The following WDR93 variants were observed in gnomAD, a reference collection of about 807,000 sequenced individuals.
The protein encoded by WDR93 is WD repeat-containing protein 93.
WDR93 carries 73 observed loss-of-function variants against 82.9 expected under a neutral mutation model. That is an observed-to-expected ratio of 0.88 (90% CI 0.73 to 1.07). The LOEUF is 1.07. Ranked by LOEUF, WDR93 falls within the 50% of genes least tolerant of loss-of-function variation. The probability of loss-of-function intolerance (pLI) is 0.00; values close to 1 mark genes in which losing one functional copy is unlikely to be tolerated. For missense variants in WDR93, 738 were observed against 826.0 expected (o/e 0.89, Z 1.31); for synonymous variants, 283 against 300.1 (o/e 0.94, Z 0.59).
chr15:89,710,114 C>T (rs1355486182), intron 4 of WDR93, among the ~76,000 whole-genome samples: 2 of 152,110 alleles, frequency 1.3e-5, no homozygotes, highest in African/African-American at 2.4e-5. Flanking sequence ...GAGCTGAGAT[C>T]GCACCACTGC....
Position 89,727,221 on chromosome 15 carries a change from CG to C in WDR93, c.948del (p.Gln317ArgfsTer25), listed in dbSNP as rs772119727. The C allele has an allele frequency of 1.3e-5, 21 of 1,614,124 alleles. 2 individuals carry two copies. The South Asian group carries it at 2.3e-4, about 18-fold the overall frequency. On this transcript the variant is annotated frameshift_variant, in exon 9 of 17. Coordinates refer to ENST00000268130, the MANE Select transcript of WDR93 (RefSeq NM_020212.2). LOFTEE classifies it high-confidence loss of function. ...KIKDCYGLGS[G>X]QNHFIKDSQW... ...TCAAGGACTGCTACGGACTGGGCTC[CG>C]GGCAGAATCATTTCATCAAGGACAG...
chr15:89,712,054 T>A lies in WDR93; in HGVS notation c.590T>A (p.Ile197Lys). 6.2e-7 allele frequency: 1 copy of A among 1,613,590 alleles called. No individual in the cohort carries two copies. The highest frequency in any genetic ancestry group is 8.5e-7 in the Non-Finnish European group (1 of 1,179,694). ...VDDTSKQTTC[I>K]KMEISQGGDF... is the part of the protein sequence containing the mutation. ...GATACCAGCAAGCAAACTACCTGTA[T>A]AAAGATGGAGATCTCTCAAGGAGGG... Residue 197 changes from isoleucine to lysine, a missense_variant, in exon 5 of 17, where the codon ATA (isoleucine) becomes AAA (lysine). Coordinates refer to ENST00000268130, the MANE Select transcript of WDR93 (RefSeq NM_020212.2).
intron 3 of WDR93, chr15:89,704,323 A>C (rs948724896): frequency 2.0e-5 from 3 of 152,164 alleles, no homozygotes; most frequent in Admixed American, 2.0e-4. Flanking sequence ...ATGAGACTCC[A>C]TCTCAAAAAA....
rs962145453 is a variant in WDR93 at position 89,710,091 on chromosome 15, C to T, written c.562-1935C>T. ...AGGAGAATTGCTTGAACCCAGGAGG[C>T]GGAGATTGCAGTGAGCTGAGATCGC... is the stretch of plus-strand genomic sequence containing the variant. On this transcript the variant is annotated intron_variant, in intron 4 of 16. Transcript: ENST00000268130. Among the ~76,000 whole-genome samples the T allele has an allele frequency of 1.4e-4, 22 of 152,242 alleles. 1 individual carries two copies. The South Asian group carries it at 3.1e-3, about 22-fold the overall frequency.
chr15:89,739,950 C>G (rs1045720858), intron 16 of WDR93, among the ~76,000 whole-genome samples: 1 of 152,186 alleles, frequency 6.6e-6, no homozygotes, highest in Non-Finnish European at 1.5e-5. Context: ...TGGAGCCAAA[C>G]AGACCTGAGT....
intron 11 of WDR93, among the ~76,000 whole-genome samples, chr15:89,730,947 C>T (rs1228758091): frequency 6.6e-6 from 1 of 151,720 alleles, no homozygotes; most frequent in East Asian, 1.9e-4. Context: ...ATTCCTTGAA[C>T]TGTACACTTG....
intron 8 of WDR93, among the ~76,000 whole-genome samples, chr15:89,724,223 TC>T (rs1966641120): frequency 6.6e-6 from 1 of 151,976 alleles, no homozygotes; most frequent in African/African-American, 2.4e-5. Flanking sequence ...GTGCCTGTAG[TC>T]CCAGCTACTT....
chr15:89,703,336 A>C, intron 3 of WDR93, 194 bp downstream of exon 3: 1 of 622,618 alleles, frequency 1.6e-6, no homozygotes, highest in Admixed American at 3.1e-5. Flanking sequence ...TAGCCCATTT[A>C]ATCCTCATGG....
intron 5 of WDR93, among the ~76,000 whole-genome samples, chr15:89,713,961 A>C (rs1304269245): frequency 6.6e-6 from 1 of 152,208 alleles, no homozygotes; most frequent in Non-Finnish European, 1.5e-5. Flanking sequence ...TTTTAAGAAA[A>C]AAATTTAGCC....
upstream of WDR93, chr15:89,690,790 A>C: frequency 1.8e-6 from 1 of 560,780 alleles, no homozygotes; most frequent in South Asian, 2.2e-5. Context: ...TCTGTAGAGC[A>C]ACTTCGCGGA....
intron 11 of WDR93, among the ~76,000 whole-genome samples, chr15:89,730,825 G>A (rs922477015): frequency 6.6e-6 from 1 of 152,012 alleles, no homozygotes; most frequent in Non-Finnish European, 1.5e-5. Flanking sequence ...GTTTGAGGCT[G>A]CAGTGAGCCA....
rs904125945 is a variant in WDR93, at chr15:89,701,620, A to G, written c.-40-87A>G. 4.3e-6 allele frequency: 5 copies of G among 1,155,390 alleles called. No homozygotes were observed. The Admixed American group carries it at 6.8e-5, about 16-fold the overall frequency. 71.6% of individuals were successfully genotyped at this position (1,155,390 alleles called of 1,614,324 possible). A position where few individuals can be genotyped will look rare whatever the true frequency, so the allele number is the denominator to read the frequency against. ...CCAGTCTGTGGAATAAGCAGTCCCTATAGGCTATTGTGCTAGAAAAGGATG... is the reference window on the plus strand; with the variant it reads ...CCAGTCTGTGGAATAAGCAGTCCCTGTAGGCTATTGTGCTAGAAAAGGATG... On this transcript the variant is annotated intron_variant, in intron 1 of 16. Transcript: ENST00000268130.
At chr15:89,722,670 G>A (rs1966573418) in intron 8 of WDR93, among the ~76,000 whole-genome samples, 1 of 152,142 alleles carries the variant, frequency 6.6e-6, no homozygotes, top group Non-Finnish European at 1.5e-5. Context: ...AGAAGCGACT[G>A]ACTTGCTAGG....
intron 4 of WDR93, among the ~76,000 whole-genome samples, chr15:89,705,986 C>T (rs1965708840): frequency 6.6e-6 from 1 of 152,140 alleles, no homozygotes; most frequent in African/African-American, 2.4e-5. Context: ...TCCTTGTCTC[C>T]CTGCCGCCTT....
intron 14 of WDR93, 29 bp from the exon 15 acceptor site, chr15:89,737,544 G>GC: frequency 1.9e-6 from 3 of 1,613,776 alleles, no homozygotes; most frequent in African/African-American, 1.3e-5. Flanking sequence ...TCCAGTAGAA[G>GC]CCCCCCTCAC....
chr15:89,738,325 T>C, intron 16 of WDR93, 89 bp downstream of exon 16: 2 of 1,436,990 alleles, frequency 1.4e-6, no homozygotes, highest in Non-Finnish European at 1.9e-6. Flanking sequence ...GTAAATCCTT[T>C]CAGCATTGAA....
chr15:89,717,055 T>C (rs1596093052), intron 7 of WDR93, 106 bp downstream of exon 7: 2 of 701,194 alleles, frequency 2.9e-6, no homozygotes, highest in Non-Finnish European at 4.1e-6. Context: ...CTTTTTTTTT[T>C]TTTTTTTTTT....
At chr15:89,713,973 G>C (rs1396425494) in intron 5 of WDR93, among the ~76,000 whole-genome samples, 1 of 152,146 alleles carries the variant, frequency 6.6e-6, no homozygotes, top group Non-Finnish European at 1.5e-5. Context: ...AATTTAGCCA[G>C]GATCCCATAC....
At chr15:89,736,742 G>A (rs553336693) in intron 14 of WDR93, among the ~76,000 whole-genome samples, 2 of 152,080 alleles carry the variant, frequency 1.3e-5, no homozygotes, top group East Asian at 1.9e-4. Flanking sequence ...CTCTTGTGTG[G>A]GGAGGGGAAA....
Sources: gnomAD v4.1 joint callset for allele counts (sites outside exome capture counted in the v4.1 genomes callset) on GRCh38, gnomAD v4.1.1 for gene constraint, MANE v1.5 for transcripts, NCBI Gene and HGNC (gene_info 2026-07-23, HGNC 2026-07-21) for gene names.